The following EZH2 variants were observed in gnomAD, a reference collection of about 807,000 sequenced individuals.
EZH2 encodes the protein enhancer of zeste 2 polycomb repressive complex 2 subunit.
Under a neutral mutation model 98.4 loss-of-function variants are expected in EZH2, and 18 were observed. That is an observed-to-expected ratio of 0.18 (90% confidence interval 0.13 to 0.27). The LOEUF is 0.27. Ranked by LOEUF, EZH2 falls within the 10% of genes least tolerant of loss-of-function variation. EZH2 has a pLI of 1.00. For synonymous variants in EZH2, 338 were observed against 312.3 expected (o/e 1.08, Z -0.87); for missense variants, 470 against 935.1 (o/e 0.50, Z 6.49).
chr7:148,827,515 A>G (rs1417559298), intron 6 of EZH2, among the ~76,000 whole-genome samples: 1 of 152,222 alleles, frequency 6.6e-6, no homozygotes, highest in Non-Finnish European at 1.5e-5. Context: ...TTCTACTCCC[A>G]GCTCTGCTAC....
rs148013900 is a variant in EZH2, at chr7:148,883,334, C to T, written c.-8+830G>A. 1,110 of 152,444 alleles carry T rather than the reference C, an allele frequency of 7.3e-3. 18 individuals are homozygous for T. The highest frequency in any genetic ancestry group is 0.025 in the African/African-American group (1,059 of 41,584). The allele number at this position is 152,444 out of a possible 1,614,324, so 9.4% of individuals were successfully genotyped here. A position where few individuals can be genotyped will look rare whatever the true frequency, so the allele number is the denominator to read the frequency against. ...AGTGGGAATTCAACAGGACGCCCTC[C>T]AGAAACACAATCAATAGAGAGCAGA... is the stretch of plus-strand genomic sequence containing the variant. On this transcript the variant is annotated intron_variant, in intron 1 of 19. Transcript: ENST00000320356.
rs376132370 is a variant in EZH2 at position 148,860,327 on chromosome 7, T to C, written c.-7-13022A>G. ...CTGACTGGGTTGACAGCAGTGGGCA[T>C]AGAAGAAAAAAAAAAAAAGATTTTT... On this transcript the variant is annotated intron_variant, in intron 1 of 19. Coordinates refer to ENST00000320356, the MANE Select transcript of EZH2 (RefSeq NM_004456.5). Among the ~76,000 whole-genome samples, 589 of 89,736 alleles carry C rather than the reference T, an allele frequency of 6.6e-3. 2 individuals are homozygous for C. Among genetic ancestry groups the C allele is most frequent in the African/African-American group, 0.032 (544 of 16,786 alleles). 58.9% of individuals were successfully genotyped at this position (89,736 alleles called of 152,430 possible).
intron 16 of EZH2, among the ~76,000 whole-genome samples, chr7:148,810,896 C>CAAAAAAAAAAAAAAAAAAAAAAAAAAA (rs924758768): frequency 2.3e-5 from 1 of 43,676 alleles, no homozygotes; most frequent in African/African-American, 8.6e-5. Context: ...AACTCTGTCT[C>CAAAAAAAAAAAAAAAAAAAAAAAAAAA]AAAAAAAAAA....
At chr7:148,839,090 A>AAGGAAGGG (rs1811711082) in intron 3 of EZH2, among the ~76,000 whole-genome samples, 1 of 146,324 alleles carries the variant, frequency 6.8e-6, no homozygotes. Flanking sequence ...GGAAGGAAGG[A>AAGGAAGGG]AGGAAGGAAG....
At position 148,829,643 on chromosome 7, in the gene EZH2, T is replaced by C. The variant is rs1303082883; in HGVS notation, c.484+85A>G. On this transcript the variant is annotated intron_variant, in intron 5 of 19. Transcript: ENST00000320356. ...AAAACTTAATTTTAATATTAAAATT[T>C]TTCTCATGCCCTATATGCTTCATAA... is the stretch of plus-strand genomic sequence containing the variant. The C allele has an allele frequency of 4.2e-6, 6 of 1,442,494 alleles. No homozygotes were observed. In the African/African-American group the frequency reaches 5.9e-5, roughly 14 times the overall value. 89.4% of individuals were successfully genotyped at this position (1,442,494 alleles called of 1,614,324 possible).
intron 12 of EZH2, 97 bp from the exon 13 acceptor site, chr7:148,815,643 G>A (rs1417082117): frequency 6.3e-6 from 7 of 1,108,580 alleles, no homozygotes; most frequent in African/African-American, 1.5e-5. Context: ...CATGAATACA[G>A]GAATGCGTTA....
intron 8 of EZH2, 73 bp downstream of exon 8, chr7:148,826,381 G>GT (rs1807720839): frequency 1.8e-6 from 2 of 1,136,714 alleles, no homozygotes; most frequent in Non-Finnish European, 2.3e-6. Flanking sequence ...AATTCTAGTT[G>GT]TAATAAATGA....
intron 3 of EZH2, among the ~76,000 whole-genome samples, chr7:148,845,296 G>T (rs1375689476): frequency 6.6e-6 from 1 of 152,028 alleles, no homozygotes; most frequent in African/African-American, 2.4e-5. Flanking sequence ...CGTTCTGATG[G>T]GCATCAAAAA....
Position 148,871,558 on chromosome 7 carries a change from C to T in EZH2, c.-8+12606G>A, listed in dbSNP as rs939677669. On this transcript the variant is annotated intron_variant, in intron 1 of 19. Coordinates refer to ENST00000320356, the MANE Select transcript of EZH2 (RefSeq NM_004456.5). ...CCCACCCTATACACAAGTTTCACATCCCACAAATAGTGTATTTTCTTTTTT... is the reference window on the plus strand; with the variant it reads ...CCCACCCTATACACAAGTTTCACATTCCACAAATAGTGTATTTTCTTTTTT... Among the ~76,000 whole-genome samples, 202 of 150,358 alleles carry T rather than the reference C, an allele frequency of 1.3e-3. 1 individual carries two copies. The highest frequency in any genetic ancestry group is 4.4e-3 in the African/African-American group (178 of 40,378).
At chr7:148,823,477 T>C (rs994726372) in intron 8 of EZH2, among the ~76,000 whole-genome samples, 7 of 152,106 alleles carry the variant, frequency 4.6e-5, no homozygotes, top group South Asian at 2.1e-4. Context: ...TATGCCACCA[T>C]GTAAATAAGA....
intron 6 of EZH2, 138 bp from the exon 7 acceptor site, chr7:148,827,404 C>G: frequency 1.6e-6 from 1 of 631,708 alleles, no homozygotes; most frequent in Non-Finnish European, 2.7e-6. Flanking sequence ...TTACTTACTT[C>G]TCACATACTT....
rs537261994 is a variant in EZH2 at position 148,837,104 on chromosome 7, G to A, written c.247-4354C>T. 1.1e-3 allele frequency: 427 copies of A among 406,104 alleles called. 9 individuals are homozygous for A. The highest frequency in any genetic ancestry group is 8.2e-3 in the South Asian group (414 of 50,500). 25.2% of individuals were successfully genotyped at this position (406,104 alleles called of 1,614,324 possible). ...TTTAAATTTCACAACTACCCTGTGA[G>A]GTAGGTATGACTCCCCATTTTACAG... On this transcript the variant is annotated intron_variant, in intron 3 of 19. Coordinates refer to ENST00000320356, the MANE Select transcript of EZH2 (RefSeq NM_004456.5).
rs528906829 is a variant in EZH2, at chr7:148,828,585, G to A, written c.625+155C>T. Among the ~76,000 whole-genome samples the A allele has an allele frequency of 7.2e-5, 11 of 152,152 alleles. No individual in the cohort carries two copies. The South Asian group carries it at 2.1e-3, about 29-fold the overall frequency. On this transcript the variant is annotated intron_variant, in intron 6 of 19. Coordinates refer to ENST00000320356, the MANE Select transcript of EZH2 (RefSeq NM_004456.5). ...ATTACAGAGTTAGCCACCCTACCTG[G>A]CCATAATATGTTAATTTTGATTATA...
intron 3 of EZH2, 27 bp from the exon 4 acceptor site, chr7:148,832,777 CTT>C (rs1335695437): frequency 3.5e-6 from 5 of 1,425,274 alleles, no homozygotes; most frequent in African/African-American, 2.8e-5. Context: ...AAAATTGACT[CTT>C]AAGAATAAAA....
chr7:148,880,381 A>AT (rs1820784635), intron 1 of EZH2, among the ~76,000 whole-genome samples: 2 of 152,266 alleles, frequency 1.3e-5, no homozygotes, highest in Admixed American at 6.5e-5. Flanking sequence ...CTCATGAATT[A>AT]TAACAAAACA....
intron 8 of EZH2, among the ~76,000 whole-genome samples, chr7:148,820,358 C>T (rs1383395053): frequency 6.6e-6 from 1 of 152,154 alleles, no homozygotes; most frequent in Non-Finnish European, 1.5e-5. Flanking sequence ...TGAACATTGA[C>T]AGCAGTGCTA....
chr7:148,829,604 T>C (rs1255585008), intron 5 of EZH2, 124 bp downstream of exon 5: 15 of 1,069,914 alleles, frequency 1.4e-5, no homozygotes, highest in Non-Finnish European at 1.9e-5. Context: ...GTTCAGTCCC[T>C]TATAGTTCAG....
intron 4 of EZH2, among the ~76,000 whole-genome samples, chr7:148,830,880 C>T (rs764184766): frequency 6.6e-6 from 1 of 152,262 alleles, no homozygotes; most frequent in Non-Finnish European, 1.5e-5. Flanking sequence ...TTCTGAAGTA[C>T]ATGTTTAAAG....
intron 9 of EZH2, 82 bp downstream of exon 9, chr7:148,819,514 C>T: frequency 9.0e-7 from 1 of 1,110,874 alleles, no homozygotes; most frequent in Non-Finnish European, 1.4e-6. Flanking sequence ...GTGCAGACAA[C>T]ATTAACGCTG....
Sources: allele counts gnomAD v4.1 joint callset (sites outside exome capture counted in the v4.1 genomes callset), GRCh38; gene constraint gnomAD v4.1.1; transcripts MANE v1.5; gene names NCBI Gene and HGNC (gene_info 2026-07-23, HGNC 2026-07-21).